The following IQSEC3 variants were observed in gnomAD, a reference collection of about 807,000 sequenced individuals.
IQSEC3 encodes IQ motif and SEC7 domain-containing protein 3.
Under a neutral mutation model 105.4 loss-of-function variants are expected in IQSEC3, and 50 were observed. The ratio of observed to expected loss-of-function variants is 0.47; its 90% CI spans 0.38 to 0.60. The LOEUF (loss-of-function observed/expected upper bound fraction) is 0.60, where lower values mean the gene tolerates loss of function less well. Among genes scored for constraint, IQSEC3 ranks in the 20% least tolerant of loss-of-function variants. The pLI is 0.00. For synonymous variants in IQSEC3, 708 were observed against 746.0 expected (o/e 0.95, Z 0.83); for missense variants, 1,415 against 1,630.0 (o/e 0.87, Z 2.27).
intron 11 of IQSEC3, 44 bp from the exon 12 acceptor site, chr12:168,969 T>C (rs1329407405): frequency 5.2e-6 from 8 of 1,536,078 alleles, no homozygotes; most frequent in Non-Finnish European, 6.3e-6. Context: ...TCTGTGTGGT[T>C]GAGGTTAAGG....
In IQSEC3 at chr12:178,327, G is replaced by A. The variant is rs974410953; in HGVS notation, c.*3294G>A. On this transcript the variant is annotated 3_prime_UTR_variant, in exon 14 of 14. Coordinates refer to ENST00000538872, the MANE Select transcript of IQSEC3 (RefSeq NM_001170738.2). Reference sequence around the variant, plus strand: ...CCCATGAGAGAGAGAAACCTCTCTAGGGAAAGGCAGGGTGGCTGCACCCAG... The same window carrying A: ...CCCATGAGAGAGAGAAACCTCTCTAAGGAAAGGCAGGGTGGCTGCACCCAG... The A allele has an allele frequency of 6.6e-6, 1 of 152,218 alleles. No individual in the cohort carries two copies. The highest frequency in any genetic ancestry group is 1.5e-5 in the Non-Finnish European group (1 of 68,032). The allele number at this position is 152,218 out of a possible 1,614,324, so 9.4% of individuals were successfully genotyped here.
chr12:86,435 C>A (rs150106746), intron 1 of IQSEC3, among the ~76,000 whole-genome samples: 1 of 151,984 alleles, frequency 6.6e-6, no homozygotes, highest in African/African-American at 2.4e-5. Context: ...TTGGAGTGTG[C>A]GGTAATCGGG....
intron 1 of IQSEC3, among the ~76,000 whole-genome samples, chr12:69,090 C>G (rs1591617635): frequency 6.6e-6 from 1 of 152,294 alleles, no homozygotes; most frequent in East Asian, 1.9e-4. Flanking sequence ...GTCTTTTCCC[C>G]CACATGAGGG....
chr12:143,131 C>T (rs1181473050), intron 5 of IQSEC3: 1 of 152,550 alleles, frequency 6.6e-6, no homozygotes, highest in Admixed American at 6.5e-5. Flanking sequence ...TAATTGCCCT[C>T]TTCCCTGGGA....
intron 7 of IQSEC3, among the ~76,000 whole-genome samples, chr12:161,473 G>A (rs1866886781): frequency 6.6e-6 from 1 of 152,136 alleles, no homozygotes; most frequent in Non-Finnish European, 1.5e-5. Context: ...CTCCCTACTG[G>A]AGGGGAGAGG....
At chr12:81,149 T>C (rs1555070639) in intron 1 of IQSEC3, among the ~76,000 whole-genome samples, 1 of 152,212 alleles carries the variant, frequency 6.6e-6, no homozygotes, top group Admixed American at 6.5e-5. Flanking sequence ...AAGGTTGTTG[T>C]TCTGTGGCAT....
chr12:84,368 G>A (rs189209318), intron 1 of IQSEC3, among the ~76,000 whole-genome samples: 1 of 152,364 alleles, frequency 6.6e-6, no homozygotes, highest in East Asian at 1.9e-4. Flanking sequence ...ATGGTCAGGA[G>A]GGTTCACATA....
chr12:112,839 G>A (rs1487705826), intron 2 of IQSEC3, among the ~76,000 whole-genome samples: 4 of 152,070 alleles, frequency 2.6e-5, no homozygotes, highest in African/African-American at 9.7e-5. Flanking sequence ...GCATGGCAAG[G>A]GAAGCCCTCT....
intron 2 of IQSEC3, among the ~76,000 whole-genome samples, chr12:117,424 G>T (rs1434468002): frequency 2.0e-5 from 3 of 152,250 alleles, no homozygotes; most frequent in Non-Finnish European, 4.4e-5. Flanking sequence ...GCACTCGCCA[G>T]TATGGCCCAG....
At chr12:98,331 T>C (rs1864304251) in intron 1 of IQSEC3, among the ~76,000 whole-genome samples, 1 of 151,982 alleles carries the variant, frequency 6.6e-6, no homozygotes, top group Non-Finnish European at 1.5e-5. Flanking sequence ...CACCTGGGAG[T>C]TTATTAAAAA....
chr12:76,574 T>A (rs1222177601), intron 1 of IQSEC3, among the ~76,000 whole-genome samples: 1 of 152,272 alleles, frequency 6.6e-6, no homozygotes, highest in African/African-American at 2.4e-5. Context: ...GTGTTTCATC[T>A]CCATTGGCTA....
intron 1 of IQSEC3, among the ~76,000 whole-genome samples, chr12:95,360 G>A (rs1338520938): frequency 6.6e-6 from 1 of 152,120 alleles, no homozygotes; most frequent in Non-Finnish European, 1.5e-5. Context: ...AACAAAAAAT[G>A]TATTAATGAA....
chr12:139,244 G>C lies in IQSEC3; in HGVS notation c.1881G>C (p.Leu627=), dbSNP rs1555088331. Residue 627 remains leucine (L), a synonymous_variant, in exon 4 of 14, where the codon CTG becomes CTC. Transcript: ENST00000538872. ...ASKDALQAMI[L]SLPRYHCENP... The stretch of plus-strand genomic sequence containing the variant: ...AGGACGCCCTGCAGGCCATGATCCT[G>C]AGCCTGCCGCGCTACCACTGCGAGA... The C allele has an allele frequency of 6.2e-7, 1 of 1,608,476 alleles. No individual in the cohort carries two copies. The highest frequency in any genetic ancestry group is 1.7e-5 in the Admixed American group (1 of 59,656).
intron 3 of IQSEC3, 93 bp downstream of exon 3, chr12:126,005 C>A: frequency 7.8e-7 from 1 of 1,274,550 alleles, no homozygotes; most frequent in South Asian, 1.4e-5. Flanking sequence ...CGCTGGGTCC[C>A]CTCCGCTACA....
intron 2 of IQSEC3, among the ~76,000 whole-genome samples, chr12:105,816 C>T (rs532311508): frequency 1.3e-5 from 2 of 152,326 alleles, no homozygotes; most frequent in South Asian, 4.1e-4. Context: ...AGCTATTTGC[C>T]CAGGCCAATT....
rs538760662 is a variant in IQSEC3 at position 139,103 on chromosome 12, G to C, written c.1740G>C (p.Thr580=). The change falls in exon 4 of 14, where the codon ACG becomes ACC. Residue 580 remains threonine (T), a synonymous_variant. Coordinates refer to ENST00000538872, the MANE Select transcript of IQSEC3 (RefSeq NM_001170738.2). ...KTEEEEEEEE[T]AEVGRGAEAE... ...AGGAGGAAGAGGAGGAGGAGGAGACGGCGGAGGTGGGGAGAGGGGCCGAGG... is the reference window on the plus strand; with the variant it reads ...AGGAGGAAGAGGAGGAGGAGGAGACCGCGGAGGTGGGGAGAGGGGCCGAGG... 3.3e-6 allele frequency: 5 copies of C among 1,502,846 alleles called. No homozygotes were observed. In the African/African-American group the frequency reaches 7.0e-5, roughly 21 times the overall value. The allele number at this position is 1,502,846 out of a possible 1,614,324, so 93.1% of individuals were successfully genotyped here. A position where few individuals can be genotyped will look rare whatever the true frequency, so the allele number is the denominator to read the frequency against.
At chr12:89,060 G>A (rs919658606) in intron 1 of IQSEC3, among the ~76,000 whole-genome samples, 1 of 152,110 alleles carries the variant, frequency 6.6e-6, no homozygotes, top group African/African-American at 2.4e-5. Context: ...CCCTCCCAAA[G>A]GTGAGCATAG....
intron 2 of IQSEC3, among the ~76,000 whole-genome samples, chr12:101,736 T>C (rs1404438014): frequency 6.6e-6 from 1 of 152,186 alleles, no homozygotes; most frequent in African/African-American, 2.4e-5. Flanking sequence ...GTGGCTTTCC[T>C]GGCTTCTCCG....
At chr12:174,303 C>T (rs894295182) in intron 13 of IQSEC3, among the ~76,000 whole-genome samples, 27 of 152,252 alleles carry the variant, frequency 1.8e-4, no homozygotes, top group African/African-American at 6.0e-4. Flanking sequence ...CCAGCAGGTC[C>T]ATGAAATCAG....
Sources: allele counts gnomAD v4.1 joint callset (sites outside exome capture counted in the v4.1 genomes callset), GRCh38; gene constraint gnomAD v4.1.1; transcripts MANE v1.5; gene names NCBI Gene and HGNC (gene_info 2026-07-23, HGNC 2026-07-21).